PARD3B: variants seen among roughly 807,000 people sequenced by gnomAD.
PARD3B encodes par-3 family cell polarity regulator beta, also known as partitioning defective 3 homolog B.
PARD3B carries 103 observed loss-of-function variants against 130.2 expected under a neutral mutation model. The ratio of observed to expected loss-of-function variants is 0.79; its 90% confidence interval spans 0.67 to 0.93. The LOEUF (loss-of-function observed/expected upper bound fraction) is 0.93, where lower values mean the gene tolerates loss of function less well. Among genes scored for constraint, PARD3B ranks in the 40% least tolerant of loss-of-function variants. PARD3B has a pLI of 0.00. For missense variants in PARD3B, 1,609 were observed against 1,499.2 expected, an observed-to-expected ratio of 1.07 and a Z score of -1.21; for synonymous variants, 583 against 553.2, an observed-to-expected ratio of 1.05 and a Z score of -0.76.
At chr2:205,510,437 C>T (rs2050547529) in intron 21 of PARD3B, among the ~76,000 whole-genome samples, 1 of 152,202 alleles carries the variant, frequency 6.6e-6, no homozygotes, top group Non-Finnish European at 1.5e-5. Flanking sequence ...ATCCTGCTCC[C>T]TCTGGTTACC....
intron 1 of PARD3B, among the ~76,000 whole-genome samples, chr2:204,553,761 A>C (rs1022672302): frequency 6.7e-6 from 1 of 148,266 alleles, no homozygotes; most frequent in African/African-American, 2.5e-5. Context: ...TGGCATTTGC[A>C]GCAACCTGGA....
At chr2:204,587,834 A>G (rs952464148) in intron 1 of PARD3B, among the ~76,000 whole-genome samples, 4 of 152,106 alleles carry the variant, frequency 2.6e-5, no homozygotes, top group African/African-American at 9.7e-5. Context: ...AGTTACCTCT[A>G]TGCTGTTTTT....
chr2:204,635,493 G>C (rs192735050), intron 1 of PARD3B, among the ~76,000 whole-genome samples: 5 of 152,034 alleles, frequency 3.3e-5, no homozygotes, highest in African/African-American at 1.2e-4. Context: ...ATGTATCTTC[G>C]TTCCTCAGGA....
intron 1 of PARD3B, among the ~76,000 whole-genome samples, chr2:204,566,856 G>A (rs1474602933): frequency 6.6e-6 from 1 of 151,332 alleles, no homozygotes; most frequent in Non-Finnish European, 1.5e-5. Flanking sequence ...ATACCTGTGG[G>A]TAGGAAAGCA....
intron 16 of PARD3B, among the ~76,000 whole-genome samples, chr2:205,270,269 G>A (rs2040670981): frequency 6.6e-6 from 1 of 152,050 alleles, no homozygotes; most frequent in African/African-American, 2.4e-5. Context: ...GCAGATAACA[G>A]AAAGCCCTAC....
At chr2:205,314,128 T>C (rs2042480542) in intron 18 of PARD3B, among the ~76,000 whole-genome samples, 1 of 152,188 alleles carries the variant, frequency 6.6e-6, no homozygotes, top group Non-Finnish European at 1.5e-5. Context: ...GATAATGACA[T>C]GTATAGATTT....
intron 20 of PARD3B, among the ~76,000 whole-genome samples, chr2:205,469,810 C>T (rs1324264095): frequency 6.6e-6 from 1 of 152,206 alleles, no homozygotes; most frequent in Non-Finnish European, 1.5e-5. Flanking sequence ...TTTGCTTCCC[C>T]CATTTTAAAA....
chr2:204,773,704 C>T (rs938679916), intron 2 of PARD3B, among the ~76,000 whole-genome samples: 1 of 151,986 alleles, frequency 6.6e-6, no homozygotes, highest in Non-Finnish European at 1.5e-5. Context: ...TCTACTATTG[C>T]CTTGGACAGT....
At chr2:205,033,055 T>C (rs568329947) in intron 3 of PARD3B, among the ~76,000 whole-genome samples, 1 of 152,184 alleles carries the variant, frequency 6.6e-6, no homozygotes, top group Non-Finnish European at 1.5e-5. Flanking sequence ...GAAGTATTCT[T>C]TTACAGGCTG....
intron 19 of PARD3B, among the ~76,000 whole-genome samples, chr2:205,423,554 T>C (rs1201342115): frequency 6.6e-6 from 1 of 152,138 alleles, no homozygotes; most frequent in Non-Finnish European, 1.5e-5. Context: ...CAGAACAAAG[T>C]CCCATCTTAA....
chr2:204,763,931 A>G (rs2041018036), intron 2 of PARD3B, among the ~76,000 whole-genome samples: 1 of 152,218 alleles, frequency 6.6e-6, no homozygotes, highest in Non-Finnish European at 1.5e-5. Flanking sequence ...TAGAAAATGA[A>G]TATGTGGTCT....
chr2:205,002,219 C>T (rs993683150), intron 3 of PARD3B, among the ~76,000 whole-genome samples: 2 of 152,168 alleles, frequency 1.3e-5, no homozygotes, highest in African/African-American at 4.8e-5. Flanking sequence ...TTTTGGCCGT[C>T]TCTCAAACAG....
chr2:205,074,187 T>C (rs895752792), intron 4 of PARD3B, among the ~76,000 whole-genome samples: 1 of 152,236 alleles, frequency 6.6e-6, no homozygotes, highest in African/African-American at 2.4e-5. Context: ...GCTTGATTCA[T>C]ATAGCACTTT....
chr2:204,879,584 A>G (rs1419221452), intron 2 of PARD3B, among the ~76,000 whole-genome samples: 2 of 152,214 alleles, frequency 1.3e-5, no homozygotes, highest in Non-Finnish European at 2.9e-5. Context: ...AACCAATGTG[A>G]AAATGGATAA....
chr2:205,192,403 A>G (rs2036445287), intron 14 of PARD3B, among the ~76,000 whole-genome samples: 1 of 152,188 alleles, frequency 6.6e-6, no homozygotes. Context: ...TTCCAAACAG[A>G]TGAGAGTGCC....
chr2:205,068,030 A>G (rs1302473344), intron 4 of PARD3B, among the ~76,000 whole-genome samples: 6 of 152,198 alleles, frequency 3.9e-5, no homozygotes, highest in African/African-American at 1.2e-4. Flanking sequence ...TGCCCTACAT[A>G]AGCCTCACAA....
intron 2 of PARD3B, among the ~76,000 whole-genome samples, chr2:204,828,262 A>G (rs958402927): frequency 6.6e-6 from 1 of 151,652 alleles, no homozygotes; most frequent in Non-Finnish European, 1.5e-5. Flanking sequence ...GCCATATTTC[A>G]TTTTCTTCCC....
At position 204,545,611 on chromosome 2, in the gene PARD3B, CGCCAGG is replaced by C. The variant is rs561632177; in HGVS notation, c.-370_-365del. ...GGCTTGGGGCCGGCCCTGCCAACGC[CGCCAGG>C]GCCAGGGCCAGGGCCAGGACCAGCG... is the stretch of plus-strand genomic sequence containing the variant. On this transcript the variant is annotated 5_prime_UTR_variant, in exon 1 of 23. Transcript: ENST00000406610. Among the ~76,000 whole-genome samples the C allele has an allele frequency of 1.4e-4, 22 of 152,000 alleles. No individual in the cohort carries two copies. Among genetic ancestry groups the C allele is most frequent in the Admixed American group, 3.9e-4 (6 of 15,286 alleles).
At chr2:204,676,685 T>C (rs1164577283) in intron 1 of PARD3B, among the ~76,000 whole-genome samples, 1 of 92,778 alleles carries the variant, frequency 1.1e-5, no homozygotes, top group Middle Eastern at 6.4e-3. Context: ...TTTTTTTTTT[T>C]TGGAGACAGA....
Sources: gnomAD v4.1 joint callset for allele counts (sites outside exome capture counted in the v4.1 genomes callset) on GRCh38, gnomAD v4.1.1 for gene constraint, MANE v1.5 for transcripts, NCBI Gene and HGNC (gene_info 2026-07-23, HGNC 2026-07-21) for gene names.